Variants in TENM2 observed in about 807,000 individuals in gnomAD.
TENM2 encodes teneurin transmembrane protein 2.
TENM2 carries 52 observed loss-of-function variants against 245.2 expected under a neutral mutation model. That is an observed-to-expected ratio of 0.21 (90% CI 0.17 to 0.27). The LOEUF (loss-of-function observed/expected upper bound fraction) is 0.27, where lower values mean the gene tolerates loss of function less well. Among genes scored for constraint, TENM2 ranks in the 10% least tolerant of loss-of-function variants. The pLI is 1.00. For missense variants in TENM2, 3,046 were observed against 3,666.8 expected (o/e 0.83, Z 4.37); for synonymous variants, 1,363 against 1,438.9 (o/e 0.95, Z 1.19).
intron 2 of TENM2, among the ~76,000 whole-genome samples, chr5:167,554,472 G>A (rs1773138939): frequency 6.6e-6 from 1 of 152,168 alleles, no homozygotes; most frequent in Non-Finnish European, 1.5e-5. Flanking sequence ...AGGAGATTGT[G>A]GGTTATAGTC....
intron 2 of TENM2, among the ~76,000 whole-genome samples, chr5:167,760,607 T>C (rs531265209): frequency 6.6e-6 from 1 of 152,244 alleles, no homozygotes; most frequent in East Asian, 1.9e-4. Flanking sequence ...TGTAAATAGG[T>C]AAGTGTCAAC....
chr5:167,311,074 A>G (rs902191922), intron 1 of TENM2, among the ~76,000 whole-genome samples: 3 of 152,320 alleles, frequency 2.0e-5, no homozygotes, highest in Admixed American at 6.5e-5. Flanking sequence ...TAGCATGTTC[A>G]TTAGCACTTG....
At chr5:166,995,462 C>T in the TENM2 span, among the ~76,000 whole-genome samples, 3 of 151,858 alleles carry the variant, frequency 2.0e-5, no homozygotes, top group African/African-American at 4.8e-5. Context: ...AGGATGGTCT[C>T]GATTTCCTGA....
the TENM2 span, among the ~76,000 whole-genome samples, chr5:167,180,778 A>G: frequency 2.0e-5 from 3 of 152,048 alleles, no homozygotes; most frequent in African/African-American, 7.2e-5. Flanking sequence ...CTATTCATTA[A>G]GTGGAAATGG....
At position 168,247,535 on chromosome 5, in the gene TENM2, C is replaced by T. The variant is rs1324250351; in HGVS notation, c.6596C>T (p.Thr2199Met). 4 of 1,612,962 alleles carry T rather than the reference C, an allele frequency of 2.5e-6. No homozygotes were observed. The highest frequency in any genetic ancestry group is 1.7e-5 in the Admixed American group (1 of 59,982). The change falls in exon 27 of 29, where the codon ACG becomes ATG. Residue 2199 changes from threonine to methionine, a missense_variant. By Grantham distance (81) the Thr-to-Met change is moderately conservative (BLOSUM62 -1). Transcript: ENST00000518659. The surrounding 1 kb of genome is among the most constrained non-coding windows in gnomAD (Gnocchi z 7.8). ...AAACTGGGGCCCTATGCCAATACCA[C>T]GAAGTACACCTATGACTACGATGGG... is the stretch of plus-strand genomic sequence containing the variant.
At chr5:167,238,990 G>C in the TENM2 span, among the ~76,000 whole-genome samples, 188 of 152,286 alleles carry the variant, frequency 1.2e-3, no homozygotes, top group African/African-American at 4.5e-3. Context: ...AGCAGTATTT[G>C]CATACTTGGT....
At chr5:167,286,216 CTG>C (rs1351132716) in intron 1 of TENM2, among the ~76,000 whole-genome samples, 2 of 152,128 alleles carry the variant, frequency 1.3e-5, no homozygotes, top group Admixed American at 1.3e-4. Flanking sequence ...AACAGAGAAA[CTG>C]TTAGAATTGT....
At chr5:167,945,273 G>C (rs925866537) in intron 3 of TENM2, among the ~76,000 whole-genome samples, 3 of 152,178 alleles carry the variant, frequency 2.0e-5, no homozygotes, top group Non-Finnish European at 4.4e-5. Flanking sequence ...ATAAAACCAT[G>C]TGCTGAGCGT....
chr5:168,244,930 C>G lies in TENM2; in HGVS notation c.5817+214C>G, dbSNP rs893853888. Among the ~76,000 whole-genome samples, 4 of 151,912 alleles carry G rather than the reference C, an allele frequency of 2.6e-5. No individual in the cohort carries two copies. Among genetic ancestry groups the G allele is most frequent in the African/African-American group, 9.7e-5 (4 of 41,338 alleles). On this transcript the variant is annotated intron_variant, in intron 26 of 28. Transcript: ENST00000518659. This position sits in a 1 kb window ranked among gnomAD's most constrained non-coding sequence, Gnocchi z 4.9. ...GACTACAGGCACATGTCACCACGCC[C>G]GGCTAATTTTGTATTTTTAGTAGAG... is the stretch of plus-strand genomic sequence containing the variant.
chr5:167,952,650 A>G lies in TENM2; in HGVS notation c.775A>G (p.Thr259Ala), dbSNP rs1780207220. Residue 259 changes from threonine (T) to alanine (A), a missense_variant, in exon 4 of 29, where the codon ACG becomes GCG. Around this residue, in one of 2 missense-constraint regions of TENM2, gnomAD observed 2,704 missense variants for 3,331.9 expected, o/e 0.81. Coordinates refer to ENST00000518659, the Ensembl canonical transcript of TENM2. ...CCCTCTCCCACCCCCTCACAACCAC[A>G]CGCTGTCCCATCACCACTCGTCCGC... 1.9e-6 allele frequency: 3 copies of G among 1,611,368 alleles called. No homozygotes were observed. The Admixed American group carries it at 5.0e-5, about 27-fold the overall frequency.
chr5:167,196,922 A>G, the TENM2 span, among the ~76,000 whole-genome samples: 196 of 151,938 alleles, frequency 1.3e-3, no homozygotes, highest in African/African-American at 4.7e-3. Flanking sequence ...TCCAGCGAGT[A>G]CTGAGGGAGG....
intron 5 of TENM2, among the ~76,000 whole-genome samples, chr5:168,031,732 G>A (rs760327376): frequency 6.8e-6 from 1 of 147,674 alleles, no homozygotes. Context: ...AGCAAGGGAA[G>A]GAAGGAGTGA....
At chr5:167,537,064 A>G (rs755761232) in intron 2 of TENM2, among the ~76,000 whole-genome samples, 1 of 152,094 alleles carries the variant, frequency 6.6e-6, no homozygotes, top group Non-Finnish European at 1.5e-5. Context: ...TACAAAGTTT[A>G]GCATGCTGTA....
At chr5:167,286,023 A>C (rs1771323972) in intron 1 of TENM2, among the ~76,000 whole-genome samples, 1 of 152,164 alleles carries the variant, frequency 6.6e-6, no homozygotes, top group Admixed American at 6.5e-5. Flanking sequence ...AGCTTCCTTA[A>C]ACTACTTTTT....
the TENM2 span, among the ~76,000 whole-genome samples, chr5:166,990,849 C>G: frequency 6.6e-6 from 1 of 152,116 alleles, no homozygotes; most frequent in African/African-American, 2.4e-5. Flanking sequence ...AACAGATCTA[C>G]GCTATTAGAC....
chr5:167,716,162 G>A (rs1277950689), intron 2 of TENM2, among the ~76,000 whole-genome samples: 2 of 152,156 alleles, frequency 1.3e-5, no homozygotes, highest in African/African-American at 2.4e-5. Flanking sequence ...AAGTGACGAG[G>A]TCCTTTGTAG....
intron 25 of TENM2, among the ~76,000 whole-genome samples, chr5:168,228,919 CTATAT>C (rs36206567): frequency 0.014 from 2,022 of 146,220 alleles, 43 homozygotes; most frequent in African/African-American, 0.046. Flanking sequence ...AATGTAAACC[CTATAT>C]TATATTATAA....
chr5:168,195,064 A>G, intron 14 of TENM2, 112 bp from the exon 17 acceptor site: 1 of 1,270,268 alleles, frequency 7.9e-7, no homozygotes, highest in South Asian at 1.4e-5. Flanking sequence ...TTAATGTTGA[A>G]AGCCTTCTCC....
intron 2 of TENM2, among the ~76,000 whole-genome samples, chr5:167,607,305 T>C (rs1019023836): frequency 1.3e-5 from 2 of 152,168 alleles, no homozygotes; most frequent in South Asian, 4.1e-4. Context: ...CTGTTTACAC[T>C]CATCCCAGCG....
Sources: gnomAD v4.1 joint callset for allele counts (sites outside exome capture counted in the v4.1 genomes callset) on GRCh38, gnomAD v4.1.1 for gene constraint, gnomAD v4.1.1 regional missense constraint, Gnocchi (gnomAD v3.1) non-coding constraint, MANE v1.5 for transcripts, NCBI Gene and HGNC (gene_info 2026-07-23, HGNC 2026-07-21) for gene names.